ANTXR2: variants seen among roughly 807,000 people sequenced by gnomAD.
The protein encoded by ANTXR2 is ANTXR cell adhesion molecule 2, also known as anthrax toxin receptor 2.
A neutral mutation model predicts 73.7 loss-of-function variants in ANTXR2; 44 were observed. The observed-to-expected ratio is 0.60, with a 90% CI of 0.47 to 0.77. The LOEUF (loss-of-function observed/expected upper bound fraction) is 0.77. ANTXR2 is among the 30% of genes least tolerant of loss of function. The pLI, the probability that ANTXR2 is intolerant of heterozygous loss-of-function variation, is 0.00. For synonymous variants in ANTXR2, 217 were observed against 205.9 expected, an observed-to-expected ratio of 1.05 and a Z score of -0.46; for missense variants, 604 against 592.5, an observed-to-expected ratio of 1.02 and a Z score of -0.20.
intron 16 of ANTXR2, among the ~76,000 whole-genome samples, chr4:79,924,336 G>A (rs529992210): frequency 4.8e-4 from 73 of 152,022 alleles, no homozygotes; most frequent in African/African-American, 1.4e-3. Flanking sequence ...TTAAAATAAC[G>A]AAAAAGGCCA....
intron 10 of ANTXR2, among the ~76,000 whole-genome samples, chr4:80,028,394 C>A (rs543842208): frequency 4.7e-4 from 71 of 152,192 alleles, no homozygotes; most frequent in African/African-American, 1.7e-3. Flanking sequence ...AACCAAAATC[C>A]ACAGGCCTTA....
chr4:79,928,025 A>T (rs1727890782), intron 16 of ANTXR2, among the ~76,000 whole-genome samples: 1 of 152,196 alleles, frequency 6.6e-6, no homozygotes, highest in Non-Finnish European at 1.5e-5. Flanking sequence ...CACCTAAAAG[A>T]GCTGAAAGCA....
In ANTXR2 at chr4:80,018,994, C is replaced by G; in HGVS notation, c.867-18G>C. The G allele has an allele frequency of 7.0e-7, 1 of 1,434,924 alleles. No homozygotes were observed. The highest frequency in any genetic ancestry group is 9.2e-7 in the Non-Finnish European group (1 of 1,084,786). The allele number at this position is 1,434,924 out of a possible 1,614,324, so 88.9% of individuals were successfully genotyped here. A position where few individuals can be genotyped will look rare whatever the true frequency, so the allele number is the denominator to read the frequency against. The stretch of plus-strand genomic sequence containing the variant: ...CAAGAGTTCTGAAAAAGAAAAGAAA[C>G]AATAATTTTATATACATTTAAAACC... On this transcript the variant is annotated intron_variant, in intron 10 of 16. Transcript: ENST00000403729.
intron 2 of ANTXR2, among the ~76,000 whole-genome samples, chr4:80,070,665 GA>G: frequency 6.6e-6 from 1 of 152,250 alleles, no homozygotes; most frequent in African/African-American, 2.4e-5. Flanking sequence ...GCCAATAACT[GA>G]AAGCAAGGAT....
At chr4:80,040,492 G>A (rs1333523609) in intron 7 of ANTXR2, among the ~76,000 whole-genome samples, 1 of 151,912 alleles carries the variant, frequency 6.6e-6, no homozygotes, top group Non-Finnish European at 1.5e-5. Flanking sequence ...TCCATCATTG[G>A]TACAAGAGAG....
At chr4:79,957,596 T>G (rs1156990585) in intron 16 of ANTXR2, among the ~76,000 whole-genome samples, 1 of 152,090 alleles carries the variant, frequency 6.6e-6, no homozygotes, top group Non-Finnish European at 1.5e-5. Flanking sequence ...GTGCTCTATA[T>G]TTTCATGACA....
intron 16 of ANTXR2, among the ~76,000 whole-genome samples, chr4:79,961,295 C>T (rs939759920): frequency 3.3e-5 from 5 of 151,834 alleles, no homozygotes; most frequent in African/African-American, 1.2e-4. Context: ...GAAAATAAAG[C>T]TTAAAATTGT....
intron 7 of ANTXR2, among the ~76,000 whole-genome samples, chr4:80,048,799 C>A (rs1733637187): frequency 6.6e-6 from 1 of 151,588 alleles, no homozygotes. Flanking sequence ...GAACAAACAA[C>A]AACAGACATT....
Position 80,057,033 on chromosome 4 carries a change from CA to C in ANTXR2, c.297-1021del, listed in dbSNP as rs202227898. On this transcript the variant is annotated intron_variant, in intron 3 of 16. Transcript: ENST00000403729. ...TGTTTTCAGACTTTTTCAATAGAAGCAAAAAAAATGCCTTTTTAAACTGGTG... is the reference window on the plus strand; with the variant it reads ...TGTTTTCAGACTTTTTCAATAGAAGCAAAAAAATGCCTTTTTAAACTGGTG... 9.5e-4 allele frequency among the ~76,000 whole-genome samples: 144 copies of C among 151,292 alleles called. 2 individuals are homozygous for C. The highest frequency in any genetic ancestry group is 3.3e-3 in the African/African-American group (136 of 41,338).
intron 11 of ANTXR2, 87 bp downstream of exon 11, chr4:80,018,811 G>T: frequency 9.6e-7 from 1 of 1,039,716 alleles, no homozygotes; most frequent in Non-Finnish European, 1.4e-6. Context: ...CTCCTTTATT[G>T]TAGTATGCAA....
intron 16 of ANTXR2, among the ~76,000 whole-genome samples, chr4:79,917,003 A>G (rs928536620): frequency 6.6e-6 from 1 of 152,230 alleles, no homozygotes; most frequent in African/African-American, 2.4e-5. Flanking sequence ...GTTATATGCT[A>G]TTAAATACAA....
rs984385195 is a variant in ANTXR2, at chr4:80,073,227, T to A, written c.-667A>T. Reference sequence around the variant, plus strand: ...CCGCTCGGGCCGGGTCTGGGCTGCGTGTGTCAGTGTGCGCCTGGGGACGAG... The same window carrying A: ...CCGCTCGGGCCGGGTCTGGGCTGCGAGTGTCAGTGTGCGCCTGGGGACGAG... On this transcript the variant is annotated 5_prime_UTR_variant, in exon 1 of 17. Coordinates refer to ENST00000403729, the MANE Select transcript of ANTXR2 (RefSeq NM_058172.6). 2 of 152,564 alleles carry A rather than the reference T, an allele frequency of 1.3e-5. No individual in the cohort carries two copies. The highest frequency in any genetic ancestry group is 2.9e-5 in the Non-Finnish European group (2 of 68,358). The allele number at this position is 152,564 out of a possible 1,614,324, so 9.5% of individuals were successfully genotyped here. A position where few individuals can be genotyped will look rare whatever the true frequency, so the allele number is the denominator to read the frequency against.
chr4:80,037,504 A>T (rs1256630472), intron 7 of ANTXR2, among the ~76,000 whole-genome samples: 1 of 152,194 alleles, frequency 6.6e-6, no homozygotes, highest in Non-Finnish European at 1.5e-5. Flanking sequence ...AAAATTTTAT[A>T]TCTGAGAAAC....
chr4:79,954,073 C>T (rs1728803940), intron 16 of ANTXR2, among the ~76,000 whole-genome samples: 1 of 152,114 alleles, frequency 6.6e-6, no homozygotes, highest in Non-Finnish European at 1.5e-5. Flanking sequence ...AGAATTTACA[C>T]GAACTAAATT....
At chr4:80,000,992 A>G (rs1731002469) in intron 12 of ANTXR2, among the ~76,000 whole-genome samples, 1 of 152,030 alleles carries the variant, frequency 6.6e-6, no homozygotes, top group Non-Finnish European at 1.5e-5. Flanking sequence ...TGCGTGAGGC[A>G]CTTCTGAAAA....
Position 80,008,515 on chromosome 4 carries a change from A to T in ANTXR2, c.1041+6T>A, listed in dbSNP as rs774327254. Reference sequence around the variant, plus strand: ...TTAAGTAGAGTTGTAAATCCTTCTTACTCACCACTTTGCAGCAAAGGGGCC... The same window carrying T: ...TTAAGTAGAGTTGTAAATCCTTCTTTCTCACCACTTTGCAGCAAAGGGGCC... On this transcript the variant is annotated splice_donor_region_variant and intron_variant, in intron 12 of 16. Transcript: ENST00000403729. The T allele has an allele frequency of 4.4e-6, 7 of 1,598,556 alleles. No homozygotes were observed. Among genetic ancestry groups the T allele is most frequent in the Non-Finnish European group, 6.0e-6 (7 of 1,169,168 alleles).
chr4:79,932,746 C>A (rs551260176), intron 16 of ANTXR2, among the ~76,000 whole-genome samples: 3 of 127,488 alleles, frequency 2.4e-5, no homozygotes, highest in Non-Finnish European at 3.1e-5. Flanking sequence ...GAACTGAGAT[C>A]ATGCCATTGC....
chr4:80,013,049 A>G (rs1731674825), intron 11 of ANTXR2, among the ~76,000 whole-genome samples: 1 of 152,198 alleles, frequency 6.6e-6, no homozygotes, highest in Non-Finnish European at 1.5e-5. Context: ...GGTTCTTGGT[A>G]TTGTTATTGC....
At chr4:79,909,627 G>A (rs574344511) in intron 16 of ANTXR2, among the ~76,000 whole-genome samples, 2 of 149,546 alleles carry the variant, frequency 1.3e-5, no homozygotes, top group Admixed American at 1.3e-4. Flanking sequence ...GCTGCCAAAT[G>A]TCTCTAGATA....
Sources: gnomAD v4.1 joint callset for allele counts (sites outside exome capture counted in the v4.1 genomes callset) on GRCh38, gnomAD v4.1.1 for gene constraint, MANE v1.5 for transcripts, NCBI Gene and HGNC (gene_info 2026-07-23, HGNC 2026-07-21) for gene names.